Variants in DNAAF11 observed in about 807,000 individuals in gnomAD.
The protein encoded by DNAAF11 is dynein axonemal assembly factor 11, also known as leucine rich repeat containing 6.
A neutral mutation model predicts 60.8 loss-of-function variants in DNAAF11; 45 were observed. The ratio of observed to expected loss-of-function variants is 0.74; its 90% CI spans 0.58 to 0.95. The LOEUF (loss-of-function observed/expected upper bound fraction) is 0.95. DNAAF11 is among the 40% of genes least tolerant of loss of function. The probability of loss-of-function intolerance (pLI) is 0.00; values close to 1 mark genes in which losing one functional copy is unlikely to be tolerated. For synonymous variants in DNAAF11, 191 were observed against 183.5 expected, an observed-to-expected ratio of 1.04 and a Z score of -0.33; for missense variants, 546 against 546.2, an observed-to-expected ratio of 1.00 and a Z score of 0.00.
In DNAAF11 at chr8:132,644,334, T is replaced by C. The variant is rs189914919; in HGVS notation, c.257-6227A>G. 1.7e-3 allele frequency among the ~76,000 whole-genome samples: 266 copies of C among 152,072 alleles called. 4 individuals are homozygous for C. The highest frequency in any genetic ancestry group is 2.3e-3 in the East Asian group (12 of 5,162). On this transcript the variant is annotated intron_variant, in intron 3 of 11. Transcript: ENST00000620350. ...TAAAAACACCTCCAGCACCAAACAA[T>C]AAGGTTGCATTTAAAACACATCAAT...
At chr8:132,625,157 A>G (rs921393310) in intron 6 of DNAAF11, 115 bp downstream of exon 6, 1 of 699,542 alleles carries the variant, frequency 1.4e-6, no homozygotes, top group Admixed American at 3.7e-5. Context: ...AAAAAACAAA[A>G]TCTATATACA....
At chr8:132,689,665 A>G in the DNAAF11 span, among the ~76,000 whole-genome samples, 124 of 151,840 alleles carry the variant, frequency 8.2e-4, no homozygotes, top group African/African-American at 2.5e-3. Context: ...TAGTGATTTG[A>G]CTCATATACA....
chr8:132,596,182 A>G (rs1315905414), intron 10 of DNAAF11, among the ~76,000 whole-genome samples: 1 of 152,206 alleles, frequency 6.6e-6, no homozygotes, highest in Non-Finnish European at 1.5e-5. Context: ...TGGCCCGTCA[A>G]TTGGCAGGTG....
intron 3 of DNAAF11, among the ~76,000 whole-genome samples, chr8:132,646,959 T>C (rs111526136): frequency 1.3e-5 from 2 of 151,974 alleles, no homozygotes; most frequent in Non-Finnish European, 1.5e-5. Context: ...AACAAGGATA[T>C]CCAGGAATTG....
rs1406723681 is a variant in DNAAF11, at chr8:132,570,975, T to G, written c.*1331A>C. ...CTGTACCAGTGCTTCTTCTTCCAAT[T>G]CTCTACCTCTCCCTTCTAGAGCTTC... On this transcript the variant is annotated 3_prime_UTR_variant, in exon 12 of 12. Transcript: ENST00000620350. 6.6e-6 allele frequency among the ~76,000 whole-genome samples: 1 copy of G among 152,204 alleles called. No individual in the cohort carries two copies. The highest frequency in any genetic ancestry group is 2.4e-5 in the African/African-American group (1 of 41,460).
intron 8 of DNAAF11, among the ~76,000 whole-genome samples, chr8:132,612,953 C>T (rs146009143): frequency 1.5e-3 from 227 of 152,178 alleles, no homozygotes; most frequent in African/African-American, 5.3e-3. Context: ...AAGCAGCCAA[C>T]AGAGCTGAAA....
At chr8:132,685,306 A>T in the DNAAF11 span, among the ~76,000 whole-genome samples, 14 of 152,336 alleles carry the variant, frequency 9.2e-5, no homozygotes, top group South Asian at 1.0e-3. Context: ...AGTACATGAA[A>T]TCCACAAAAA....
chr8:132,671,733 G>A (rs908250620), intron 1 of DNAAF11, among the ~76,000 whole-genome samples: 3 of 151,874 alleles, frequency 2.0e-5, no homozygotes, highest in Admixed American at 1.3e-4. Flanking sequence ...ACAAGCCACT[G>A]GTTTATCCAA....
Position 132,644,304 on chromosome 8 carries a change from G to A in DNAAF11, c.257-6197C>T, listed in dbSNP as rs138234030. Among the ~76,000 whole-genome samples, 60 of 152,164 alleles carry A rather than the reference G, an allele frequency of 3.9e-4. No individual in the cohort carries two copies. The East Asian group carries it at 0.01, about 25-fold the overall frequency. The stretch of plus-strand genomic sequence containing the variant: ...AACAGTTATATTCATAATAACAAAC[G>A]TAATTAAAAACACCTCCAGCACCAA... On this transcript the variant is annotated intron_variant, in intron 3 of 11. Coordinates refer to ENST00000620350, the MANE Select transcript of DNAAF11 (RefSeq NM_012472.6).
chr8:132,656,284 T>C (rs1449222204), intron 3 of DNAAF11, among the ~76,000 whole-genome samples: 4 of 152,200 alleles, frequency 2.6e-5, no homozygotes, highest in Non-Finnish European at 5.9e-5. Context: ...CCACCTTGTA[T>C]ATACCCAAGT....
chr8:132,642,404 A>G (rs1821946964), intron 3 of DNAAF11, among the ~76,000 whole-genome samples: 2 of 152,256 alleles, frequency 1.3e-5, no homozygotes, highest in Admixed American at 1.3e-4. Context: ...ATGGCATCGA[A>G]TCCTTCTCCT....
chr8:132,617,185 G>A (rs1023576116), intron 7 of DNAAF11, among the ~76,000 whole-genome samples: 1 of 152,122 alleles, frequency 6.6e-6, no homozygotes, highest in Non-Finnish European at 1.5e-5. Context: ...AGGTTGGATC[G>A]AGTTGGGAGA....
rs368639320 is a variant in DNAAF11 at position 132,594,576 on chromosome 8, CCT to C, written c.1141-10799_1141-10798del. Among the ~76,000 whole-genome samples, 867 of 152,196 alleles carry C rather than the reference CCT, an allele frequency of 5.7e-3. 12 individuals carry two copies. The highest frequency in any genetic ancestry group is 0.02 in the African/African-American group (833 of 41,532). On this transcript the variant is annotated intron_variant, in intron 10 of 11. Transcript: ENST00000620350. ...GTGTCAAGGAGGGACCTGTAATCCC[CCT>C]GTGTGGAGGGAGGGATGTGATTAGA...
chr8:132,689,540 C>A, the DNAAF11 span, among the ~76,000 whole-genome samples: 34 of 152,102 alleles, frequency 2.2e-4, no homozygotes, highest in South Asian at 6.6e-3. Flanking sequence ...TCTTGTGTAT[C>A]TTCCACACTC....
chr8:132,642,063 G>A (rs1255712090), intron 3 of DNAAF11, among the ~76,000 whole-genome samples: 1 of 152,112 alleles, frequency 6.6e-6, no homozygotes, highest in Non-Finnish European at 1.5e-5. Context: ...TCAAAATTTT[G>A]CAACATGGTT....
upstream of DNAAF11, among the ~76,000 whole-genome samples, chr8:132,677,249 A>C (rs1825794188): frequency 6.6e-6 from 1 of 152,150 alleles, no homozygotes; most frequent in Non-Finnish European, 1.5e-5. Flanking sequence ...CAAGGGGTTC[A>C]TCAAGGCTAA....
At chr8:132,692,685 T>G in the DNAAF11 span, among the ~76,000 whole-genome samples, 1 of 152,240 alleles carries the variant, frequency 6.6e-6, no homozygotes. Context: ...TTCTTCACCC[T>G]GTGCAGGTCT....
At chr8:132,665,602 C>T (rs763014398) in intron 1 of DNAAF11, among the ~76,000 whole-genome samples, 3 of 151,996 alleles carry the variant, frequency 2.0e-5, no homozygotes, top group African/African-American at 7.3e-5. Flanking sequence ...AAATAATAGA[C>T]GTTGGCAAGG....
At position 132,674,160 on chromosome 8, in the gene DNAAF11, A is replaced by AAGGAGGAGGAAGAGAAGG. The variant is rs1554613110; in HGVS notation, c.10+1323_10+1324insCCTTCTCTTCCTCCTCCT. 3.0e-3 allele frequency among the ~76,000 whole-genome samples: 118 copies of AAGGAGGAGGAAGAGAAGG among 38,946 alleles called. 17 individuals are homozygous for AAGGAGGAGGAAGAGAAGG. Among genetic ancestry groups the AAGGAGGAGGAAGAGAAGG allele is most frequent in the African/African-American group, 0.011 (108 of 9,764 alleles). The allele number at this position is 38,946 out of a possible 152,430, so 25.6% of individuals were successfully genotyped here. ...GAAGGAGGAGGAAGAGGAGGAGGAG[A>AAGGAGGAGGAAGAGAAGG]AGGAGAAGGAGGAGGAGGAGAAGGA... On this transcript the variant is annotated intron_variant, in intron 1 of 11. Transcript: ENST00000620350.
Sources: allele counts gnomAD v4.1 joint callset (sites outside exome capture counted in the v4.1 genomes callset), GRCh38; gene constraint gnomAD v4.1.1; transcripts MANE v1.5; gene names NCBI Gene and HGNC (gene_info 2026-07-23, HGNC 2026-07-21).